CSMD2: variants seen among roughly 807,000 people sequenced by gnomAD.
The protein encoded by CSMD2 is CUB and Sushi multiple domains 2.
In CSMD2, 130 loss-of-function variants were observed where a neutral mutation model predicts 398.5. That is an observed-to-expected ratio of 0.33 (90% CI 0.28 to 0.38). The LOEUF (loss-of-function observed/expected upper bound fraction) is 0.38, where lower values mean the gene tolerates loss of function less well. Among genes scored for constraint, CSMD2 ranks in the 10% least tolerant of loss-of-function variants. The pLI, the probability that CSMD2 is intolerant of heterozygous loss-of-function variation, is 1.00. For missense variants in CSMD2, 3,829 were observed against 4,764.9 expected, an observed-to-expected ratio of 0.80 and a Z score of 5.78; for synonymous variants, 1,828 against 1,908.5, an observed-to-expected ratio of 0.96 and a Z score of 1.10.
chr1:33,907,906 G>A (rs1473254341), intron 5 of CSMD2, among the ~76,000 whole-genome samples: 1 of 151,952 alleles, frequency 6.6e-6, no homozygotes, highest in Non-Finnish European at 1.5e-5. Flanking sequence ...GACCAATATG[G>A]TGAAACACCA....
At position 33,927,034 on chromosome 1, in the gene CSMD2, C is replaced by A. The variant is rs116740935; in HGVS notation, c.712+8726G>T. 6.0e-3 allele frequency among the ~76,000 whole-genome samples: 921 copies of A among 152,272 alleles called. 9 individuals are homozygous for A. The highest frequency in any genetic ancestry group is 0.011 in the Non-Finnish European group (739 of 68,014). ...CTGTTCATATCATCTTCCCCAGGAC[C>A]CCTCAGCCTCTGTGGAAATGAAGAT... is the stretch of plus-strand genomic sequence containing the variant. On this transcript the variant is annotated intron_variant, in intron 4 of 70. Transcript: ENST00000373381.
intron 2 of CSMD2, among the ~76,000 whole-genome samples, chr1:34,063,397 C>T (rs1050657597): frequency 1.3e-5 from 2 of 152,218 alleles, no homozygotes; most frequent in Non-Finnish European, 2.9e-5. Flanking sequence ...TTCCTAGCTA[C>T]ATGGCGGTAC....
intron 3 of CSMD2, among the ~76,000 whole-genome samples, chr1:33,999,343 A>C (rs1382673705): frequency 6.6e-6 from 1 of 152,144 alleles, no homozygotes; most frequent in Non-Finnish European, 1.5e-5. Context: ...CTCAAGGTTG[A>C]GCTTGCATCC....
chr1:33,657,103 C>G (rs377286059), intron 27 of CSMD2, among the ~76,000 whole-genome samples: 1 of 152,126 alleles, frequency 6.6e-6, no homozygotes, highest in Non-Finnish European at 1.5e-5. Flanking sequence ...CAGGCCCCAC[C>G]CTTTTTAAGT....
chr1:33,522,397 G>A (rs1417330894), intron 67 of CSMD2, among the ~76,000 whole-genome samples: 2 of 152,182 alleles, frequency 1.3e-5, no homozygotes, highest in Non-Finnish European at 2.9e-5. Context: ...GACCCTCCTG[G>A]ATGGTGGAGT....
intron 44 of CSMD2, chr1:33,599,113 G>C (rs1410992476): frequency 6.6e-6 from 1 of 152,168 alleles, no homozygotes; most frequent in East Asian, 1.9e-4. Flanking sequence ...ATGAATTCTA[G>C]GGGGGCCTAA....
intron 3 of CSMD2, among the ~76,000 whole-genome samples, chr1:33,986,289 C>T (rs1489892558): frequency 6.6e-6 from 1 of 152,190 alleles, no homozygotes; most frequent in African/African-American, 2.4e-5. Flanking sequence ...TCTTTCTGTA[C>T]CTCTCCAGCG....
chr1:33,602,203 C>T (rs1640271479), intron 43 of CSMD2, among the ~76,000 whole-genome samples, 166 bp downstream of exon 43: 2 of 152,238 alleles, frequency 1.3e-5, no homozygotes, highest in African/African-American at 4.8e-5. Context: ...CCAGTTGGAG[C>T]TGAGCCCCAT....
In CSMD2 at chr1:33,761,736, C is replaced by T. The variant is rs549041425; in HGVS notation, c.1846+10833G>A. On this transcript the variant is annotated intron_variant, in intron 13 of 70. Transcript: ENST00000373381. ...TAGAACTGCCATGGTCCATTCATGC[C>T]TCAGACCACCACCCACTGAAGACTG... Among the ~76,000 whole-genome samples the T allele has an allele frequency of 5.9e-5, 9 of 152,328 alleles. 1 individual carries two copies. Among genetic ancestry groups the T allele is most frequent in the African/African-American group, 1.4e-4 (6 of 41,576 alleles).
At chr1:33,716,701 G>GAAGA (rs1646182809) in intron 19 of CSMD2, among the ~76,000 whole-genome samples, 200 bp from the exon 20 acceptor site, 2 of 152,234 alleles carry the variant, frequency 1.3e-5, no homozygotes, top group South Asian at 4.1e-4. Context: ...CAGTCAGGGA[G>GAAGA]AAGAATTTTA....
rs752267359 is a variant in CSMD2 at position 33,617,559 on chromosome 1, G to A, written c.5886C>T (p.Gly1962=). 30 of 1,613,936 alleles carry A rather than the reference G, an allele frequency of 1.9e-5. No homozygotes were observed. The highest frequency in any genetic ancestry group is 3.3e-5 in the Admixed American group (2 of 60,000). The change falls in exon 38 of 71, where the codon GGC becomes GGT. Residue 1962 remains glycine, a synonymous_variant. Coordinates refer to ENST00000373381, the MANE Select transcript of CSMD2 (RefSeq NM_001281956.2). The part of the protein sequence containing the change: ...PAVPSNGVKT[G]ERYLVNDVVS... ...CCACATCATTCACCAAGTAGCGCTC[G>A]CCAGTCTTCACCCCGTTACTGGGCA...
intron 2 of CSMD2, among the ~76,000 whole-genome samples, chr1:34,060,209 C>T (rs561062031): frequency 6.6e-6 from 1 of 152,238 alleles, no homozygotes; most frequent in Non-Finnish European, 1.5e-5. Context: ...AGAGGATCTG[C>T]AGGCAAAGGA....
chr1:34,067,093 G>A (rs1327320432), intron 2 of CSMD2, among the ~76,000 whole-genome samples: 3 of 152,150 alleles, frequency 2.0e-5, no homozygotes, highest in Non-Finnish European at 2.9e-5. Flanking sequence ...GGCAGCCAGA[G>A]AAGGCTCGCA....
chr1:33,900,396 T>C (rs1243972724), intron 5 of CSMD2, among the ~76,000 whole-genome samples: 1 of 152,162 alleles, frequency 6.6e-6, no homozygotes, highest in Non-Finnish European at 1.5e-5. Flanking sequence ...AGAGTCCAGA[T>C]GATGGGGATC....
chr1:33,804,057 C>G (rs1655935782), intron 10 of CSMD2, among the ~76,000 whole-genome samples: 1 of 152,208 alleles, frequency 6.6e-6, no homozygotes, highest in South Asian at 2.1e-4. Context: ...TTAACCTTTC[C>G]ATGATTCAGT....
At chr1:33,993,472 G>A (rs12041597) in intron 3 of CSMD2, among the ~76,000 whole-genome samples, 1 of 151,504 alleles carries the variant, frequency 6.6e-6, no homozygotes, top group Non-Finnish European at 1.5e-5. Context: ...TTGTGTTCTC[G>A]ACCCCATCTC....
intron 12 of CSMD2, among the ~76,000 whole-genome samples, chr1:33,781,010 G>A (rs931352078): frequency 2.0e-5 from 3 of 152,188 alleles, no homozygotes; most frequent in Non-Finnish European, 2.9e-5. Context: ...GATGCTGGTC[G>A]GCTGCCCTTG....
chr1:33,794,050 T>C (rs187808343), intron 10 of CSMD2, among the ~76,000 whole-genome samples: 82 of 152,332 alleles, frequency 5.4e-4, no homozygotes, highest in Admixed American at 2.6e-3. Flanking sequence ...TCAAGGAGTA[T>C]ATAATTTCTG....
At chr1:34,116,172 T>A (rs1003782016) in intron 1 of CSMD2, among the ~76,000 whole-genome samples, 1 of 152,006 alleles carries the variant, frequency 6.6e-6, no homozygotes, top group Non-Finnish European at 1.5e-5. Context: ...AACTGACTTA[T>A]AAAAACAAGA....
Sources: allele counts gnomAD v4.1 joint callset (sites outside exome capture counted in the v4.1 genomes callset), GRCh38; gene constraint gnomAD v4.1.1; transcripts MANE v1.5; gene names NCBI Gene and HGNC (gene_info 2026-07-23, HGNC 2026-07-21).